Variants in FRS2 observed in about 807,000 individuals in gnomAD.
FRS2 encodes fibroblast growth factor receptor substrate 2.
FRS2 carries 8 observed loss-of-function variants against 43.9 expected under a neutral mutation model. The ratio of observed to expected loss-of-function variants is 0.18; its 90% CI spans 0.11 to 0.33. FRS2 has a LOEUF of 0.33. FRS2 is among the 10% of genes least tolerant of loss of function. The pLI, the probability that FRS2 is intolerant of heterozygous loss-of-function variation, is 1.00. For synonymous variants in FRS2, 219 were observed against 220.3 expected, an observed-to-expected ratio of 0.99 and a Z score of 0.05; for missense variants, 534 against 627.6, an observed-to-expected ratio of 0.85 and a Z score of 1.59.
chr12:69,492,570 T>A (rs778717068), intron 1 of FRS2, among the ~76,000 whole-genome samples: 54 of 152,356 alleles, frequency 3.5e-4, no homozygotes, highest in Admixed American at 1.6e-3. Flanking sequence ...TTCCTTTTTT[T>A]AAAAATCTCA....
intron 3 of FRS2, among the ~76,000 whole-genome samples, chr12:69,552,626 C>T (rs1000432625): frequency 6.6e-6 from 1 of 151,992 alleles, no homozygotes; most frequent in Non-Finnish European, 1.5e-5. Context: ...ATTACAGAGT[C>T]CACAGGGATT....
At chr12:69,488,314 C>T (rs1872143727) in intron 1 of FRS2, among the ~76,000 whole-genome samples, 1 of 152,178 alleles carries the variant, frequency 6.6e-6, no homozygotes, top group Non-Finnish European at 1.5e-5. Context: ...CCTTTAGCAA[C>T]CACCACTCTG....
chr12:69,537,067 A>G (rs1180555975), intron 3 of FRS2, among the ~76,000 whole-genome samples: 1 of 152,074 alleles, frequency 6.6e-6, no homozygotes, highest in African/African-American at 2.4e-5. Context: ...GGCTATTTTA[A>G]CATGCTTTTC....
chr12:69,572,285 A>C lies in FRS2; in HGVS notation c.576+4A>C. 6.2e-7 allele frequency: 1 copy of C among 1,609,202 alleles called. No homozygotes were observed. Among genetic ancestry groups the C allele is most frequent in the South Asian group, 1.1e-5 (1 of 90,968 alleles). ...TTTGCTTGTGGCTGAGGAACAAGTA[A>C]GCATGTGCTACTGTGTAACAGCAAT... On this transcript the variant is annotated splice_donor_region_variant and intron_variant, in intron 8 of 8. Coordinates refer to ENST00000549921, the MANE Select transcript of FRS2 (RefSeq NM_001278356.2).
intron 3 of FRS2, among the ~76,000 whole-genome samples, chr12:69,539,986 G>C (rs1019247436): frequency 1.1e-4 from 16 of 148,912 alleles, no homozygotes; most frequent in Admixed American, 9.4e-4. Flanking sequence ...GGGTGTGGTG[G>C]CTCACGCCTG....
chr12:69,557,925 A>C (rs575799371), intron 3 of FRS2: 2 of 152,020 alleles, frequency 1.3e-5, no homozygotes, highest in Admixed American at 6.5e-5. Flanking sequence ...GTTTTTTAGC[A>C]AACTATTTTA....
chr12:69,481,001 T>C (rs1592911519), intron 1 of FRS2, among the ~76,000 whole-genome samples: 2 of 152,330 alleles, frequency 1.3e-5, no homozygotes, highest in South Asian at 4.1e-4. Context: ...AGTAACCGCC[T>C]GGAGAATAGT....
chr12:69,557,619 T>TGTGTGTGTGTGCGCGTGC (rs1555192498), intron 3 of FRS2, among the ~76,000 whole-genome samples: 1 of 119,026 alleles, frequency 8.4e-6, no homozygotes, highest in African/African-American at 2.8e-5. Context: ...TGTGTGTGTG[T>TGTGTGTGTGTGCGCGTGC]GCGCGCGCGC....
chr12:69,514,840 A>T (rs1022301485), intron 1 of FRS2, among the ~76,000 whole-genome samples: 1 of 152,138 alleles, frequency 6.6e-6, no homozygotes, highest in Admixed American at 6.5e-5. Context: ...TCAAAAAAAA[A>T]AAAAGATGGG....
At chr12:69,555,623 A>C (rs187433556) in intron 3 of FRS2, among the ~76,000 whole-genome samples, 133 of 152,232 alleles carry the variant, frequency 8.7e-4, no homozygotes, top group African/African-American at 3.0e-3. Context: ...GGGATGCGAA[A>C]TTTCCATATA....
chr12:69,559,464 C>G (rs1424803997), intron 3 of FRS2, among the ~76,000 whole-genome samples: 1 of 151,590 alleles, frequency 6.6e-6, no homozygotes, highest in Non-Finnish European at 1.5e-5. Flanking sequence ...TAAAAAAAAA[C>G]TAAAGAAAGA....
intron 1 of FRS2, among the ~76,000 whole-genome samples, chr12:69,516,793 T>G (rs1193716781): frequency 1.3e-5 from 2 of 152,338 alleles, no homozygotes; most frequent in Admixed American, 6.5e-5. Flanking sequence ...ATAAAATGGA[T>G]TTTTGCATAA....
chr12:69,484,913 A>G (rs1871692184), intron 1 of FRS2, among the ~76,000 whole-genome samples: 1 of 152,148 alleles, frequency 6.6e-6, no homozygotes, highest in African/African-American at 2.4e-5. Flanking sequence ...CAGCAATACT[A>G]TGTTGTTAGA....
chr12:69,572,124 G>C lies in FRS2; in HGVS notation c.419G>C (p.Gly140Ala). ...CCAATAAACAAAAACTCAGCTCCAG[G>C]ATTTGCTGCTCAGAACTTACCTAAT... Reference protein sequence around the residue: ...PRTPRTPTTPGFAAQNLPNGY... With the variant: ...PRTPRTPTTPAFAAQNLPNGY... The change falls in exon 8 of 9, where the codon GGA becomes GCA. Residue 140 changes from glycine (G) to alanine (A), a missense_variant. Coordinates refer to ENST00000549921, the MANE Select transcript of FRS2 (RefSeq NM_001278356.2). 3 of 1,612,842 alleles carry C rather than the reference G, an allele frequency of 1.9e-6. No homozygotes were observed. The highest frequency in any genetic ancestry group is 2.5e-6 in the Non-Finnish European group (3 of 1,179,338).
Position 69,574,691 on chromosome 12 carries a change from C to T in FRS2, c.1263C>T (p.Asn421=). The change falls in exon 9 of 9, where the codon AAC becomes AAT. Residue 421 remains asparagine, a synonymous_variant. Coordinates refer to ENST00000549921, the MANE Select transcript of FRS2 (RefSeq NM_001278356.2). ...RRRDCTPTVF[N]FDIRRPSLEH... Reference sequence around the variant, plus strand: ...GGGACTGTACACCAACAGTCTTTAACTTTGATATCAGACGCCCAAGTTTAG... The same window carrying T: ...GGGACTGTACACCAACAGTCTTTAATTTTGATATCAGACGCCCAAGTTTAG... 1 of 1,614,194 alleles carries T rather than the reference C, an allele frequency of 6.2e-7. No individual in the cohort carries two copies. Among genetic ancestry groups the T allele is most frequent in the Admixed American group, 1.7e-5 (1 of 60,030 alleles).
chr12:69,530,596 G>A (rs887796757), intron 1 of FRS2, among the ~76,000 whole-genome samples: 2 of 151,918 alleles, frequency 1.3e-5, no homozygotes, highest in African/African-American at 4.8e-5. Context: ...TTAAAAAATT[G>A]GCTGGCCGTG....
chr12:69,522,600 C>G (rs1440041756), intron 1 of FRS2, among the ~76,000 whole-genome samples: 2 of 152,072 alleles, frequency 1.3e-5, no homozygotes, highest in African/African-American at 4.8e-5. Flanking sequence ...TACTTTGGTT[C>G]AGCTCTGATT....
rs1466451021 is a variant in FRS2 at position 69,574,940 on chromosome 12, T to C, written c.1512T>C (p.Thr504=). The change falls in exon 9 of 9, where the codon ACT becomes ACC. Residue 504 remains threonine, a synonymous_variant. Transcript: ENST00000549921. Reference sequence around the variant, plus strand: ...CTAGGAAAACTAGACACAATAGTACTGATCTGCCCATGTGAGCCTGGAAAG... The same window carrying C: ...CTAGGAAAACTAGACACAATAGTACCGATCTGCCCATGTGAGCCTGGAAAG... ...GTSRKTRHNS[T]DLPM 6.2e-7 allele frequency: 1 copy of C among 1,604,712 alleles called. No individual in the cohort carries two copies. Among genetic ancestry groups the C allele is most frequent in the Non-Finnish European group, 8.5e-7 (1 of 1,171,648 alleles).
At position 69,575,083 on chromosome 12, in the gene FRS2, T is replaced by C. The variant is rs186419683; in HGVS notation, c.*128T>C. ...ATAAAATTTTTTTCTGAATATTTCA[T>C]GTGCATCTTTAACTAAAGGGAATTA... On this transcript the variant is annotated 3_prime_UTR_variant, in exon 9 of 9. Transcript: ENST00000549921. 3.6e-3 allele frequency: 2,264 copies of C among 627,110 alleles called. 6 individuals are homozygous for C. Among genetic ancestry groups the C allele is most frequent in the South Asian group, 8.8e-3 (427 of 48,252 alleles). The allele number at this position is 627,110 out of a possible 1,614,324, so 38.8% of individuals were successfully genotyped here. A position where few individuals can be genotyped will look rare whatever the true frequency, so the allele number is the denominator to read the frequency against.
Sources: allele counts gnomAD v4.1 joint callset (sites outside exome capture counted in the v4.1 genomes callset), GRCh38; gene constraint gnomAD v4.1.1; transcripts MANE v1.5; gene names NCBI Gene and HGNC (gene_info 2026-07-23, HGNC 2026-07-21).